The following MCC variants were observed in gnomAD, a reference collection of about 807,000 sequenced individuals.
MCC encodes the protein MCC regulator of Wnt signaling pathway.
A neutral mutation model predicts 116.2 loss-of-function variants in MCC; 90 were observed. That is an observed-to-expected ratio of 0.77 (90% confidence interval 0.65 to 0.92). The LOEUF is 0.92. MCC is among the 40% of genes least tolerant of loss of function. The probability of loss-of-function intolerance (pLI) is 0.00; values close to 1 mark genes in which losing one functional copy is unlikely to be tolerated. For missense variants in MCC, 1,516 were observed against 1,312.2 expected (o/e 1.16, Z -2.40); for synonymous variants, 578 against 510.5 (o/e 1.13, Z -1.78).
chr5:113,302,096 T>G (rs1766876515), intron 3 of MCC, among the ~76,000 whole-genome samples: 1 of 152,220 alleles, frequency 6.6e-6, no homozygotes, highest in Non-Finnish European at 1.5e-5. Flanking sequence ...ATCCCTGTTT[T>G]GCAACCCTTA....
rs550496868 is a variant in MCC, at chr5:113,081,537, T to C, written c.1784+1323A>G. On this transcript the variant is annotated intron_variant, in intron 11 of 18. Coordinates refer to ENST00000408903, the MANE Select transcript of MCC (RefSeq NM_001085377.2). ...ATTCAAGGTCAGCCACAGATCCAAC[T>C]TGTTAAAGCCCAGAATCTGTAGAGA... is the stretch of plus-strand genomic sequence containing the variant. 3.9e-5 allele frequency among the ~76,000 whole-genome samples: 6 copies of C among 152,284 alleles called. No homozygotes were observed. The South Asian group carries it at 1.0e-3, about 26-fold the overall frequency.
chr5:113,277,290 C>T (rs1451613593), intron 3 of MCC, among the ~76,000 whole-genome samples: 2 of 151,656 alleles, frequency 1.3e-5, no homozygotes, highest in Non-Finnish European at 2.9e-5. Context: ...ATCGCTTGAA[C>T]CCAGGAGGCA....
intron 1 of MCC, among the ~76,000 whole-genome samples, chr5:113,404,374 G>A (rs908878467): frequency 3.3e-5 from 5 of 152,182 alleles, no homozygotes. Context: ...AAAGAATACA[G>A]TGGCCAGGAT....
At chr5:113,397,526 A>G (rs953327014) in intron 1 of MCC, among the ~76,000 whole-genome samples, 1 of 152,214 alleles carries the variant, frequency 6.6e-6, no homozygotes, top group African/African-American at 2.4e-5. Context: ...TTTATATTAT[A>G]AAGATTATTT....
chr5:113,315,289 GT>G (rs1767249847), intron 3 of MCC, among the ~76,000 whole-genome samples: 1 of 152,062 alleles, frequency 6.6e-6, no homozygotes. Context: ...TTCAACAGCA[GT>G]TCCCAAAGGT....
intron 11 of MCC, among the ~76,000 whole-genome samples, chr5:113,079,826 G>C (rs905780803): frequency 2.0e-5 from 3 of 152,224 alleles, no homozygotes; most frequent in Non-Finnish European, 4.4e-5. Flanking sequence ...TTAAACTAAA[G>C]AGCTTCTGCA....
chr5:113,204,843 C>T (rs1273135664), intron 3 of MCC, among the ~76,000 whole-genome samples: 5 of 152,190 alleles, frequency 3.3e-5, no homozygotes, highest in Non-Finnish European at 7.3e-5. Context: ...GAAAACTAAA[C>T]AATCAGTTTT....
At chr5:113,122,389 T>C (rs1757786249) in intron 6 of MCC, among the ~76,000 whole-genome samples, 1 of 152,214 alleles carries the variant, frequency 6.6e-6, no homozygotes, top group South Asian at 2.1e-4. Context: ...CCATCATAGT[T>C]CAGATATTAC....
At chr5:113,334,797 G>T (rs1561528437) in intron 3 of MCC, among the ~76,000 whole-genome samples, 1 of 150,254 alleles carries the variant, frequency 6.7e-6, no homozygotes, top group Non-Finnish European at 1.5e-5. Flanking sequence ...TACCATGTTG[G>T]CCAGGCTGGT....
intron 3 of MCC, among the ~76,000 whole-genome samples, chr5:113,205,202 A>G (rs964013404): frequency 2.6e-5 from 4 of 152,190 alleles, no homozygotes; most frequent in African/African-American, 9.7e-5. Flanking sequence ...CAGCTTTCAC[A>G]GGAAGGGCTG....
intron 14 of MCC, among the ~76,000 whole-genome samples, chr5:113,054,305 G>A (rs1208267851): frequency 6.6e-6 from 1 of 152,210 alleles, no homozygotes; most frequent in African/African-American, 2.4e-5. Context: ...GGGAAATCAT[G>A]TGGACATTAC....
At chr5:113,180,738 C>T (rs11739347) in intron 3 of MCC, among the ~76,000 whole-genome samples, 98,333 of 152,070 alleles carry the variant, frequency 0.65, 33,636 homozygotes, top group Admixed American at 0.78. Context: ...CTCTATACAA[C>T]AGAGAATATT....
chr5:113,145,232 C>G (rs1184645611), intron 4 of MCC, among the ~76,000 whole-genome samples: 1 of 152,160 alleles, frequency 6.6e-6, no homozygotes, highest in Non-Finnish European at 1.5e-5. Flanking sequence ...GTTGTATGAA[C>G]ATGTACAGAT....
intron 18 of MCC, among the ~76,000 whole-genome samples, chr5:113,028,442 A>G (rs945093057): frequency 2.6e-5 from 4 of 152,206 alleles, no homozygotes; most frequent in Non-Finnish European, 5.9e-5. Context: ...TTTAGTTCTA[A>G]CATGAGAAGT....
rs1227327638 is a variant in MCC at position 113,102,065 on chromosome 5, T to C, written c.1192-120A>G. The C allele has an allele frequency of 9.8e-6, 9 of 915,298 alleles. No homozygotes were observed. In the African/African-American group the frequency reaches 9.9e-5, roughly 10 times the overall value. 56.7% of individuals were successfully genotyped at this position (915,298 alleles called of 1,614,324 possible). On this transcript the variant is annotated intron_variant, in intron 7 of 18. Coordinates refer to ENST00000408903, the MANE Select transcript of MCC (RefSeq NM_001085377.2). Reference sequence around the variant, plus strand: ...GGAGTGTGTTCTAGAACCACTTTGTTATAAATAGTGATCATGACTACAGAC... The same window carrying C: ...GGAGTGTGTTCTAGAACCACTTTGTCATAAATAGTGATCATGACTACAGAC...
intron 3 of MCC, among the ~76,000 whole-genome samples, chr5:113,156,905 C>T (rs142922425): frequency 2.6e-5 from 4 of 152,294 alleles, no homozygotes; most frequent in African/African-American, 9.6e-5. Flanking sequence ...TCAACTGACT[C>T]TAAGGACAAG....
intron 3 of MCC, among the ~76,000 whole-genome samples, chr5:113,193,841 C>A (rs779076104): frequency 3.3e-5 from 5 of 152,036 alleles, no homozygotes; most frequent in African/African-American, 1.2e-4. Flanking sequence ...TACATATACA[C>A]CTAGGAATTC....
chr5:113,459,825 AACACAC>A lies in MCC; in HGVS notation c.170+28414_170+28419del, dbSNP rs5870543. Among the ~76,000 whole-genome samples the A allele has an allele frequency of 5.5e-4, 81 of 147,606 alleles. 1 individual carries two copies. Among genetic ancestry groups the A allele is most frequent in the South Asian group, 1.1e-3 (5 of 4,556 alleles). ...AAGGAGTCCTAGAATCGCTATGGAAAACACACACACACACACACACACACACACACA... is the reference window on the plus strand; with the variant it reads ...AAGGAGTCCTAGAATCGCTATGGAAAACACACACACACACACACACACACA... On this transcript the variant is annotated intron_variant, in intron 1 of 18. Coordinates refer to ENST00000408903, the MANE Select transcript of MCC (RefSeq NM_001085377.2).
chr5:113,263,379 G>A (rs144101444), intron 3 of MCC, among the ~76,000 whole-genome samples: 1 of 152,298 alleles, frequency 6.6e-6, no homozygotes, highest in East Asian at 1.9e-4. Context: ...TCAGATATTG[G>A]CTACCATGCC....
Sources: gnomAD v4.1 joint callset for allele counts (sites outside exome capture counted in the v4.1 genomes callset) on GRCh38, gnomAD v4.1.1 for gene constraint, MANE v1.5 for transcripts, NCBI Gene and HGNC (gene_info 2026-07-23, HGNC 2026-07-21) for gene names.